ARHGAP35: variants seen among roughly 807,000 people sequenced by gnomAD.
ARHGAP35 encodes the protein Rho GTPase activating protein 35, also known as rho GTPase-activating protein 35.
In ARHGAP35, 15 loss-of-function variants were observed where a neutral mutation model predicts 111.1. That is an observed-to-expected ratio of 0.13 (90% CI 0.09 to 0.21). The LOEUF (loss-of-function observed/expected upper bound fraction) is 0.21, where lower values mean the gene tolerates loss of function less well. Ranked by LOEUF, ARHGAP35 falls within the 10% of genes least tolerant of loss-of-function variation. The probability of loss-of-function intolerance (pLI) is 1.00; values close to 1 mark genes in which losing one functional copy is unlikely to be tolerated. For synonymous variants in ARHGAP35, 643 were observed against 710.3 expected, an observed-to-expected ratio of 0.91 and a Z score of 1.51; for missense variants, 1,262 against 1,873.0, an observed-to-expected ratio of 0.67 and a Z score of 6.02.
intron 2 of ARHGAP35, among the ~76,000 whole-genome samples, chr19:46,924,913 G>T (rs1456462842): frequency 6.6e-6 from 1 of 152,196 alleles, no homozygotes; most frequent in Non-Finnish European, 1.5e-5. Flanking sequence ...TCCCATGCAA[G>T]CCAGGCTTTA....
At chr19:46,987,777 A>G (rs956126121) in intron 3 of ARHGAP35, among the ~76,000 whole-genome samples, 20 of 152,232 alleles carry the variant, frequency 1.3e-4, no homozygotes, top group Non-Finnish European at 4.4e-5. Flanking sequence ...CCAAAAAACA[A>G]ATACTTTAAA....
At position 46,999,373 on chromosome 19, in the gene ARHGAP35, A is replaced by T; in HGVS notation, c.4106A>T (p.His1369Leu). The change falls in exon 6 of 7, where the codon CAC becomes CTC. Residue 1369 changes from histidine (H) to leucine (L), a missense_variant. Physicochemically the swap from His to Leu is moderately conservative, Grantham distance 99. Coordinates refer to ENST00000672722, the MANE Select transcript of ARHGAP35 (RefSeq NM_004491.5). The surrounding 1 kb of genome is among the most constrained non-coding windows in gnomAD (Gnocchi z 5.4). ...TTAAAGAAATTTCCAAAGGAAAACCACGAAGTCTTCAAGTATGTCATCTCT... is the reference window on the plus strand; with the variant it reads ...TTAAAGAAATTTCCAAAGGAAAACCTCGAAGTCTTCAAGTATGTCATCTCT... The part of the protein sequence containing the change: ...EVLKKFPKEN[H>L]EVFKYVISHL... The T allele has an allele frequency of 6.3e-7, 1 of 1,593,982 alleles. No individual in the cohort carries two copies. The highest frequency in any genetic ancestry group is 8.5e-7 in the Non-Finnish European group (1 of 1,170,296).
intron 3 of ARHGAP35, among the ~76,000 whole-genome samples, chr19:46,970,329 G>A (rs1052503879): frequency 6.6e-6 from 1 of 152,184 alleles, no homozygotes; most frequent in Non-Finnish European, 1.5e-5. Flanking sequence ...AAATATTTGT[G>A]ATTTGAGGAA....
Position 46,965,466 on chromosome 19 carries a change from T to TTTTGTTTGTTTG in ARHGAP35, c.3827-22499_3827-22488dup, listed in dbSNP as rs146545859. Among the ~76,000 whole-genome samples the TTTTGTTTGTTTG allele has an allele frequency of 5.1e-4, 77 of 150,272 alleles. 1 individual carries two copies. The highest frequency in any genetic ancestry group is 1.7e-3 in the African/African-American group (70 of 40,726). On this transcript the variant is annotated intron_variant, in intron 3 of 6. Transcript: ENST00000672722. Reference sequence around the variant, plus strand: ...TTTCTCTGGGTCTTTTTCTTGGGTTTTTTGTTTGTTTGTTTGTTTGTTTGT... The same window carrying TTTTGTTTGTTTG: ...TTTCTCTGGGTCTTTTTCTTGGGTTTTTTGTTTGTTTGTTTGTTTGTTTGTTTGTTTGTTTGT...
chr19:46,906,087 C>T (rs897104349), intron 1 of ARHGAP35, among the ~76,000 whole-genome samples: 1 of 150,524 alleles, frequency 6.6e-6, no homozygotes, highest in African/African-American at 2.4e-5. Context: ...GAGGCCAAGG[C>T]AAGAGGATTG....
rs528917216 is a variant in ARHGAP35, at chr19:46,925,682, G to A, written c.3681+3326G>A. ...CGGGTTAGTTATGTTAGAGTAGGTT[G>A]TAGTGATTAGGAGCTCAGGCTCTGG... On this transcript the variant is annotated intron_variant, in intron 2 of 6. Transcript: ENST00000672722. Among the ~76,000 whole-genome samples, 69 of 152,326 alleles carry A rather than the reference G, an allele frequency of 4.5e-4. 1 individual carries two copies. The highest frequency in any genetic ancestry group is 1.6e-3 in the African/African-American group (65 of 41,572).
At chr19:46,938,365 A>G (rs889920385) in intron 3 of ARHGAP35, among the ~76,000 whole-genome samples, 3 of 151,740 alleles carry the variant, frequency 2.0e-5, no homozygotes, top group Non-Finnish European at 4.4e-5. Context: ...TTTTATTTTT[A>G]TTTTTTGAAA....
At position 46,993,081 on chromosome 19, in the gene ARHGAP35, CAT is replaced by C. The variant is rs1015473766; in HGVS notation, c.4036+3409_4036+3410del. Among the ~76,000 whole-genome samples, 12 of 152,342 alleles carry C rather than the reference CAT, an allele frequency of 7.9e-5. No individual in the cohort carries two copies. The East Asian group carries it at 2.3e-3, about 29-fold the overall frequency. ...AGGGACAGATGGCAGTGGGCACACA[CAT>C]ATGTGGTCCCAGGCTCAGTCTGGTG... On this transcript the variant is annotated intron_variant, in intron 5 of 6. Transcript: ENST00000672722. The surrounding 1 kb of genome is among the most constrained non-coding windows in gnomAD (Gnocchi z 4.6).
intron 1 of ARHGAP35, among the ~76,000 whole-genome samples, chr19:46,876,003 C>G (rs1284591729): frequency 6.6e-6 from 1 of 152,080 alleles, no homozygotes; most frequent in African/African-American, 2.4e-5. Context: ...TGACACATGG[C>G]CTAGGTTTGA....
intron 3 of ARHGAP35, among the ~76,000 whole-genome samples, chr19:46,943,000 C>T (rs925443282): frequency 6.6e-5 from 10 of 151,832 alleles, no homozygotes; most frequent in East Asian, 3.9e-4. Flanking sequence ...AGGCCCTTGC[C>T]GTCCAGAACA....
intron 3 of ARHGAP35, among the ~76,000 whole-genome samples, chr19:46,959,384 TTTA>T: frequency 6.7e-6 from 1 of 150,134 alleles, no homozygotes; most frequent in Admixed American, 6.6e-5. Context: ...TTATTTTTAT[TTTA>T]TTTTATTATT....
At chr19:46,866,101 A>T (rs1353961220) in intron 1 of ARHGAP35, among the ~76,000 whole-genome samples, 1 of 152,164 alleles carries the variant, frequency 6.6e-6, no homozygotes, top group African/African-American at 2.4e-5. Flanking sequence ...TCGGCCTCCC[A>T]AAATGCAGAG....
In ARHGAP35 at chr19:46,918,359, G is replaced by A. The variant is rs1237030539; in HGVS notation, c.-188-129G>A. ...GCTCTTGTATCTTCACCCAGCACAA[G>A]GCCTGACACATGAGATGTTTACTAA... On this transcript the variant is annotated intron_variant, in intron 1 of 6. Transcript: ENST00000672722. The surrounding 1 kb of genome is among the most constrained non-coding windows in gnomAD (Gnocchi z 5.4). Among the ~76,000 whole-genome samples, 1 of 152,096 alleles carries A rather than the reference G, an allele frequency of 6.6e-6. No homozygotes were observed. The highest frequency in any genetic ancestry group is 6.5e-5 in the Admixed American group (1 of 15,270).
intron 1 of ARHGAP35, among the ~76,000 whole-genome samples, chr19:46,911,985 G>A (rs2056139740): frequency 6.6e-6 from 1 of 151,128 alleles, no homozygotes; most frequent in Admixed American, 6.6e-5. Flanking sequence ...TGGGTTTTAA[G>A]AAAATGTTTT....
chr19:46,976,414 C>G (rs918005853), intron 3 of ARHGAP35, among the ~76,000 whole-genome samples: 2 of 152,192 alleles, frequency 1.3e-5, no homozygotes. Flanking sequence ...TTCCTCAGGC[C>G]CCAGTGCCCT....
rs980513978 is a variant in ARHGAP35, at chr19:46,988,183, C to T, written c.3904+117C>T. 9.4e-6 allele frequency: 9 copies of T among 956,948 alleles called. No homozygotes were observed. The highest frequency in any genetic ancestry group is 6.5e-5 in the African/African-American group (4 of 61,632). 59.3% of individuals were successfully genotyped at this position (956,948 alleles called of 1,614,324 possible). On this transcript the variant is annotated intron_variant, in intron 4 of 6. Transcript: ENST00000672722. The surrounding 1 kb of genome is among the most constrained non-coding windows in gnomAD (Gnocchi z 5.4). Reference sequence around the variant, plus strand: ...TCCTGCCAGCACAGACCCAAAGCCACGAGGTGCTGAGACTGAGAAAGAGAC... The same window carrying T: ...TCCTGCCAGCACAGACCCAAAGCCATGAGGTGCTGAGACTGAGAAAGAGAC...
rs1002407231 is a variant in ARHGAP35 at position 47,000,536 on chromosome 19, A to T, written c.4348A>T (p.Ser1450Cys). 1 of 1,609,618 alleles carries T rather than the reference A, an allele frequency of 6.2e-7. No individual in the cohort carries two copies. The highest frequency in any genetic ancestry group is 8.5e-7 in the Non-Finnish European group (1 of 1,178,650). Reference sequence around the variant, plus strand: ...CACCGAGCCCCCCGGCGCCAGGCCCAGCTCCCCCTCTGCCGTGGCTTCCAC... The same window carrying T: ...CACCGAGCCCCCCGGCGCCAGGCCCTGCTCCCCCTCTGCCGTGGCTTCCAC... The part of the protein sequence containing the change: ...PITEPPGARP[S>C]SPSAVASTVP... The change falls in exon 7 of 7, where the codon AGC becomes TGC. Residue 1450 changes from serine (S) to cysteine (C), a missense_variant. By Grantham distance (112) the Ser-to-Cys change is moderately radical (BLOSUM62 -1). Around this residue, in one of 8 missense-constraint regions of ARHGAP35, gnomAD observed 75 missense variants for 87.0 expected, o/e 0.86. Transcript: ENST00000672722. This position sits in a 1 kb window ranked among gnomAD's most constrained non-coding sequence, Gnocchi z 6.9.
rs35048370 is a variant in ARHGAP35 at position 47,003,918 on chromosome 19, GCACACACACACACACA to G, written c.*3247_*3262del. 1 of 104,312 alleles carries G rather than the reference GCACACACACACACACA, an allele frequency of 9.6e-6. No homozygotes were observed. The highest frequency in any genetic ancestry group is 3.9e-5 in the African/African-American group (1 of 25,968). 6.5% of individuals were successfully genotyped at this position (104,312 alleles called of 1,614,324 possible). A position where few individuals can be genotyped will look rare whatever the true frequency, so the allele number is the denominator to read the frequency against. ...GCAGGCCACCAGGCATTCTGGACAC[GCACACACACACACACA>G]CACACACACACACACAAAACTTCAC... On this transcript the variant is annotated 3_prime_UTR_variant, in exon 7 of 7. Coordinates refer to ENST00000672722, the MANE Select transcript of ARHGAP35 (RefSeq NM_004491.5).
intron 2 of ARHGAP35, among the ~76,000 whole-genome samples, chr19:46,925,787 T>C (rs540140702): frequency 6.6e-6 from 1 of 152,284 alleles, no homozygotes; most frequent in Admixed American, 6.5e-5. Context: ...TCCACATTCT[T>C]TCTGCAAAAG....
Sources: allele counts gnomAD v4.1 joint callset (sites outside exome capture counted in the v4.1 genomes callset), GRCh38; gene constraint gnomAD v4.1.1; regional missense constraint gnomAD v4.1.1; non-coding constraint Gnocchi (gnomAD v3.1); transcripts MANE v1.5; gene names NCBI Gene and HGNC (gene_info 2026-07-23, HGNC 2026-07-21).